The following NMNAT3 variants were observed in gnomAD, a reference collection of about 807,000 sequenced individuals.
NMNAT3 encodes nicotinamide/nicotinic acid mononucleotide adenylyltransferase 3.
A neutral mutation model predicts 24.8 loss-of-function variants in NMNAT3; 21 were observed. The ratio of observed to expected loss-of-function variants is 0.85; its 90% CI spans 0.60 to 1.22. The LOEUF (loss-of-function observed/expected upper bound fraction) is 1.22. Ranked by LOEUF, NMNAT3 falls within the 50% of genes most tolerant of loss-of-function variation. NMNAT3 has a pLI of 0.00. For synonymous variants in NMNAT3, 136 were observed against 155.2 expected, an observed-to-expected ratio of 0.88 and a Z score of 0.92; for missense variants, 387 against 436.6, an observed-to-expected ratio of 0.89 and a Z score of 1.01.
chr3:139,631,146 G>A (rs188730534), intron 2 of NMNAT3, among the ~76,000 whole-genome samples: 114 of 152,200 alleles, frequency 7.5e-4, no homozygotes, highest in Non-Finnish European at 1.3e-3. Context: ...TGGGCATACT[G>A]AGCCACACTG....
chr3:139,594,605 T>A (rs1277673009), intron 3 of NMNAT3, among the ~76,000 whole-genome samples: 3 of 152,170 alleles, frequency 2.0e-5, no homozygotes, highest in East Asian at 3.8e-4. Flanking sequence ...ATCAAAAAGC[T>A]TATCCACCAT....
chr3:139,601,437 G>A (rs2054709431), intron 3 of NMNAT3, among the ~76,000 whole-genome samples: 1 of 152,174 alleles, frequency 6.6e-6, no homozygotes, highest in Non-Finnish European at 1.5e-5. Context: ...CATGGCGTAA[G>A]ACTCAAATGA....
chr3:139,626,157 A>G (rs1184086955), intron 3 of NMNAT3, among the ~76,000 whole-genome samples: 3 of 152,054 alleles, frequency 2.0e-5, no homozygotes, highest in Non-Finnish European at 4.4e-5. Flanking sequence ...GTGGGTTTTC[A>G]TCAAATTTGG....
At chr3:139,586,543 C>T (rs957648008) in intron 3 of NMNAT3, among the ~76,000 whole-genome samples, 15 of 151,980 alleles carry the variant, frequency 9.9e-5, no homozygotes, top group Admixed American at 4.6e-4. Context: ...GGCTGAGGTA[C>T]CCCCTCCTTC....
intron 1 of NMNAT3, among the ~76,000 whole-genome samples, chr3:139,664,737 T>G (rs2108437432): frequency 6.6e-6 from 1 of 152,348 alleles, no homozygotes; most frequent in African/African-American, 2.4e-5. Context: ...AGAAAGAATC[T>G]TGAATATAAG....
intron 1 of NMNAT3, among the ~76,000 whole-genome samples, chr3:139,647,829 T>C (rs1241785307): frequency 1.3e-5 from 2 of 152,206 alleles, no homozygotes; most frequent in Non-Finnish European, 2.9e-5. Flanking sequence ...AGAAAATAAA[T>C]TTCCTTTGTT....
chr3:139,614,400 T>C (rs993103646), intron 3 of NMNAT3, among the ~76,000 whole-genome samples: 3 of 152,212 alleles, frequency 2.0e-5, no homozygotes, highest in African/African-American at 7.2e-5. Context: ...ACTTGCCCAT[T>C]GAGGAGGCCT....
intron 3 of NMNAT3, among the ~76,000 whole-genome samples, chr3:139,594,892 A>G (rs1319418799): frequency 1.3e-5 from 2 of 152,240 alleles, no homozygotes; most frequent in East Asian, 1.9e-4. Context: ...TTTCCTTTGA[A>G]AACGGGCACA....
chr3:139,651,430 A>C (rs1421616780), intron 1 of NMNAT3, among the ~76,000 whole-genome samples: 1 of 152,194 alleles, frequency 6.6e-6, no homozygotes, highest in Non-Finnish European at 1.5e-5. Context: ...ATATATATTC[A>C]TGCCAAATGA....
At chr3:139,574,912 C>G (rs773912133) in intron 5 of NMNAT3, among the ~76,000 whole-genome samples, 1 of 152,178 alleles carries the variant, frequency 6.6e-6, no homozygotes, top group Non-Finnish European at 1.5e-5. Context: ...AATTCTGGCT[C>G]TAACTGGTAG....
intron 3 of NMNAT3, among the ~76,000 whole-genome samples, chr3:139,625,273 T>C (rs1427597675): frequency 1.3e-5 from 2 of 152,224 alleles, no homozygotes; most frequent in African/African-American, 4.8e-5. Context: ...TTGCTTATTT[T>C]ATTGAATCTG....
intron 2 of NMNAT3, chr3:139,635,215 A>T (rs898757544): frequency 2.0e-5 from 3 of 152,192 alleles, no homozygotes; most frequent in African/African-American, 7.2e-5. Flanking sequence ...CTAGTTACCT[A>T]AGACCTGGCA....
intron 1 of NMNAT3, among the ~76,000 whole-genome samples, chr3:139,666,050 A>G (rs2057570697): frequency 6.6e-6 from 1 of 152,198 alleles, no homozygotes; most frequent in African/African-American, 2.4e-5. Flanking sequence ...TAAAACAGAA[A>G]GCTTCTGTGT....
intron 3 of NMNAT3, among the ~76,000 whole-genome samples, chr3:139,615,465 A>G (rs1208493572): frequency 6.8e-6 from 1 of 146,464 alleles, no homozygotes; most frequent in African/African-American, 2.5e-5. Context: ...CTATCTATCC[A>G]TCCACCCACC....
At chr3:139,588,388 GA>G (rs1252761340) in intron 3 of NMNAT3, among the ~76,000 whole-genome samples, 1 of 152,080 alleles carries the variant, frequency 6.6e-6, no homozygotes, top group Non-Finnish European at 1.5e-5. Context: ...TACCCTCTCT[GA>G]AAACTAAGAA....
chr3:139,576,682 G>A (rs1332841931), intron 5 of NMNAT3, among the ~76,000 whole-genome samples: 3 of 151,962 alleles, frequency 2.0e-5, no homozygotes, highest in Non-Finnish European at 2.9e-5. Context: ...CAATGACATG[G>A]GTACTTTTAA....
intron 1 of NMNAT3, among the ~76,000 whole-genome samples, chr3:139,642,352 C>T (rs1162179275): frequency 1.3e-5 from 2 of 152,114 alleles, no homozygotes; most frequent in Non-Finnish European, 2.9e-5. Flanking sequence ...CTTTCATGGG[C>T]CAAATGTGAT....
intron 3 of NMNAT3, among the ~76,000 whole-genome samples, chr3:139,605,450 A>G (rs1221690350): frequency 1.3e-5 from 2 of 152,184 alleles, no homozygotes. Flanking sequence ...TGAGGTGATC[A>G]ACTCTATGCT....
At chr3:139,660,369 G>A (rs1019007433) in intron 1 of NMNAT3, among the ~76,000 whole-genome samples, 4 of 152,146 alleles carry the variant, frequency 2.6e-5, no homozygotes. Flanking sequence ...CTTGTTAATT[G>A]AGAATTGACT....
Sources: allele counts gnomAD v4.1 joint callset (sites outside exome capture counted in the v4.1 genomes callset), GRCh38; gene constraint gnomAD v4.1.1; transcripts MANE v1.5; gene names NCBI Gene and HGNC (gene_info 2026-07-23, HGNC 2026-07-21).